Variants in C5orf58 observed in about 807,000 individuals in gnomAD.
C5orf58 encodes chromosome 5 open reading frame 58, also known as putative uncharacterized protein C5orf58.
C5orf58 carries 2 observed loss-of-function variants against 2.9 expected under a neutral mutation model. That is an observed-to-expected ratio of 0.69 (90% CI 0.28 to 2.18). C5orf58 has a LOEUF of 2.18. C5orf58 is among the 30% of genes most tolerant of loss of function. The pLI is 0.13. For missense variants in C5orf58, 96 were observed against 91.7 expected (o/e 1.05, Z -0.19); for synonymous variants, 37 against 33.4 (o/e 1.11, Z -0.37).
intron 3 of C5orf58, among the ~76,000 whole-genome samples, chr5:170,243,198 G>A (rs1362674219): frequency 2.7e-5 from 4 of 149,774 alleles, no homozygotes; most frequent in Non-Finnish European, 5.9e-5. Flanking sequence ...TTACTTCCAA[G>A]TATATGGTCA....
At chr5:170,233,545 CGGGCTGA>C (rs1760607349) in intron 1 of C5orf58, 1 of 154,098 alleles carries the variant, frequency 6.5e-6, no homozygotes, top group South Asian at 2.0e-4. Context: ...TGCAGGGCTG[CGGGCTGA>C]GGGCCTGGGC....
chr5:170,248,845 A>T, downstream of C5orf58: 1 of 1,609,266 alleles, frequency 6.2e-7, no homozygotes, highest in Non-Finnish European at 8.5e-7. Context: ...TAGGGAGATG[A>T]GTCAACATTG....
chr5:170,245,983 G>A lies in C5orf58; in HGVS notation c.116G>A (p.Cys39Tyr). 1 of 1,613,404 alleles carries A rather than the reference G, an allele frequency of 6.2e-7. No individual in the cohort carries two copies. The highest frequency in any genetic ancestry group is 2.2e-5 in the East Asian group (1 of 44,838). Residue 39 changes from cysteine to tyrosine, a missense_variant, in exon 4 of 4, where the codon TGT becomes TAT. Transcript: ENST00000593851. The part of the protein sequence containing the change: ...KIKELSQLLL[C>Y]DLILHFNHPI... The stretch of plus-strand genomic sequence containing the variant: ...ACAGAGCTCTCCCAGTTATTGCTTT[G>A]TGACCTTATCCTACATTTTAATCAT...
intron 1 of C5orf58, chr5:170,233,830 G>T: frequency 3.0e-6 from 1 of 328,614 alleles, no homozygotes; most frequent in Non-Finnish European, 5.9e-6. Context: ...CCCCACCCAC[G>T]CGCTGGGTGC....
At chr5:170,252,002 C>T (rs1042877510) in exon 3 of C5orf58, 7 of 199,392 alleles carry the variant, frequency 3.5e-5, no homozygotes, top group East Asian at 1.1e-4. Context: ...TAGCTAGAAA[C>T]GTCTAGGGCA....
chr5:170,235,923 G>T (rs1350173182), intron 3 of C5orf58, among the ~76,000 whole-genome samples: 2 of 152,166 alleles, frequency 1.3e-5, no homozygotes, highest in South Asian at 2.1e-4. Flanking sequence ...TAAAGATTTT[G>T]TCAGGGACCA....
At chr5:170,250,661 G>C, downstream of C5orf58, 1 of 1,207,080 alleles carries the variant, frequency 8.3e-7, no homozygotes, top group Non-Finnish European at 1.2e-6. Flanking sequence ...CTCAAAGATC[G>C]CTCCATGAAG....
At chr5:170,233,798 G>A (rs4867950) in intron 1 of C5orf58, 109,072 of 295,802 alleles carry the variant, frequency 0.37, 22,332 homozygotes, top group African/African-American at 0.61. Context: ...ACATTGTTGT[G>A]TAGCACCCCA....
exon 3 of C5orf58, chr5:170,251,880 A>T (rs1214079631): frequency 4.1e-6 from 1 of 243,010 alleles, no homozygotes; most frequent in African/African-American, 2.2e-5. Context: ...TGTGGAGTTT[A>T]AGTGTGAAAG....
At chr5:170,234,013 CTT>C (rs1760634625) in intron 1 of C5orf58, 100 bp from the exon 2 acceptor site, 7 of 525,034 alleles carry the variant, frequency 1.3e-5, no homozygotes, top group South Asian at 1.2e-4. Context: ...CAACTTGACT[CTT>C]GGTTTGGCAT....
intron 3 of C5orf58, among the ~76,000 whole-genome samples, chr5:170,243,936 T>G (rs1341265612): frequency 7.0e-6 from 1 of 142,252 alleles, no homozygotes; most frequent in East Asian, 2.0e-4. Context: ...CTTTCCATGT[T>G]TAGCACTTCC....
At chr5:170,234,847 C>A in intron 2 of C5orf58, 130 bp from the exon 3 acceptor site, 1 of 501,474 alleles carries the variant, frequency 2.0e-6, no homozygotes. Context: ...GAATTCTAAC[C>A]ATTTATAAAG....
At chr5:170,234,835 T>G in intron 2 of C5orf58, 142 bp from the exon 3 acceptor site, 2 of 491,990 alleles carry the variant, frequency 4.1e-6, no homozygotes, top group South Asian at 5.9e-5. Context: ...CTTTTGATGT[T>G]AGAATTCTAA....
chr5:170,252,366 G>C, downstream of C5orf58: 1 of 893,766 alleles, frequency 1.1e-6, no homozygotes, highest in Admixed American at 2.1e-5. Context: ...TTGGTACTCA[G>C]GACAGGTCAG....
downstream of C5orf58, chr5:170,248,932 T>TG: frequency 2.8e-6 from 3 of 1,072,138 alleles, no homozygotes; most frequent in Non-Finnish European, 4.1e-6. Context: ...ATGAGGATTG[T>TG]GGGGGGAAAA....
chr5:170,239,844 A>G (rs774122069), intron 3 of C5orf58, among the ~76,000 whole-genome samples: 44 of 152,184 alleles, frequency 2.9e-4, no homozygotes, highest in East Asian at 5.8e-4. Flanking sequence ...TTACATATGT[A>G]TACATGTGCC....
chr5:170,233,008 G>A lies in C5orf58; in HGVS notation c.-85+1G>A. The A allele has an allele frequency of 2.0e-6, 2 of 983,856 alleles. No homozygotes were observed. Among genetic ancestry groups the A allele is most frequent in the East Asian group, 1.1e-4 (1 of 8,790 alleles). 60.9% of individuals were successfully genotyped at this position (983,856 alleles called of 1,614,324 possible). A position where few individuals can be genotyped will look rare whatever the true frequency, so the allele number is the denominator to read the frequency against. ...CAGAACCTCGGTGACGGTTGGCCAG[G>A]TGGGTAGTGACGGCTGCTCGGTCTT... On this transcript the variant is annotated splice_donor_variant, in intron 1 of 3. Transcript: ENST00000593851. LOFTEE classifies it low-confidence loss of function (5UTR_SPLICE).
At chr5:170,241,452 T>A (rs1422582846) in intron 3 of C5orf58, among the ~76,000 whole-genome samples, 1 of 151,110 alleles carries the variant, frequency 6.6e-6, no homozygotes, top group African/African-American at 2.5e-5. Context: ...TTTTATTTCC[T>A]TGAGCAGTGG....
At chr5:170,252,391 A>G (rs1581056439), downstream of C5orf58, 1 of 1,124,740 alleles carries the variant, frequency 8.9e-7, no homozygotes, top group South Asian at 1.3e-5. Flanking sequence ...CTTCTCTGCC[A>G]TTAATATTTA....
Sources: gnomAD v4.1 joint callset for allele counts (sites outside exome capture counted in the v4.1 genomes callset) on GRCh38, gnomAD v4.1.1 for gene constraint, MANE v1.5 for transcripts, NCBI Gene and HGNC (gene_info 2026-07-23, HGNC 2026-07-21) for gene names.